Variants in STPG1 observed in about 807,000 individuals in gnomAD.
The protein encoded by STPG1 is sperm tail PG-rich repeat containing 1, also known as O(6)-methylguanine-induced apoptosis 2.
STPG1 carries 33 observed loss-of-function variants against 40.1 expected under a neutral mutation model. That is an observed-to-expected ratio of 0.82 (90% CI 0.62 to 1.10). The LOEUF (loss-of-function observed/expected upper bound fraction) is 1.10. STPG1 is among the 50% of genes least tolerant of loss of function. STPG1 has a pLI of 0.00. For missense variants in STPG1, 396 were observed against 415.1 expected (o/e 0.95, Z 0.40); for synonymous variants, 150 against 155.0 (o/e 0.97, Z 0.24).
intron 1 of STPG1, among the ~76,000 whole-genome samples, chr1:24,409,055 G>A (rs77899992): frequency 0.018 from 2,695 of 152,184 alleles, 87 homozygotes; most frequent in African/African-American, 0.062. Flanking sequence ...GCTTAACAAG[G>A]TCTTTTAGTA....
At chr1:24,362,218 G>A (rs1211986717) in intron 7 of STPG1, among the ~76,000 whole-genome samples, 2 of 152,214 alleles carry the variant, frequency 1.3e-5, no homozygotes, top group African/African-American at 4.8e-5. Flanking sequence ...AACACAGAGA[G>A]CTTGAGGGGA....
At chr1:24,388,599 A>G (rs538038185) in intron 3 of STPG1, among the ~76,000 whole-genome samples, 5 of 152,320 alleles carry the variant, frequency 3.3e-5, no homozygotes, top group African/African-American at 1.2e-4. Flanking sequence ...CTCTGTGTCA[A>G]AGATGTGCTA....
At chr1:24,369,228 G>C (rs1641612272) in intron 7 of STPG1, 2 of 396,064 alleles carry the variant, frequency 5.0e-6, no homozygotes, top group Non-Finnish European at 1.0e-5. Flanking sequence ...GCTTCTGAAT[G>C]TCCTGCCACT....
rs565903578 is a variant in STPG1 at position 24,374,691 on chromosome 1, C to T, written c.463-881G>A. Among the ~76,000 whole-genome samples, 210 of 152,146 alleles carry T rather than the reference C, an allele frequency of 1.4e-3. 1 individual carries two copies. Among genetic ancestry groups the T allele is most frequent in the Non-Finnish European group, 2.3e-3 (158 of 68,010 alleles). On this transcript the variant is annotated intron_variant, in intron 5 of 8. Coordinates refer to ENST00000337248, the MANE Select transcript of STPG1 (RefSeq NM_001199013.2). ...CCAGGCTGGAGTGCAGTGATGCCAT[C>T]TCAGCTCACTGCAACCTCTGCCTCC... is the stretch of plus-strand genomic sequence containing the variant.
Position 24,360,994 on chromosome 1 carries a change from G to C in STPG1, c.785C>G (p.Pro262Arg). ...ACCAGGACCTGGGAAAGGTGGCTTC[G>C]GAGGCAGAGGCGAAGGCTGAGCAGA... ...NFSAQPSPLPPKPPFPGPGQY... is the reference protein window; with the variant it reads ...NFSAQPSPLPRKPPFPGPGQY... The change falls in exon 8 of 9, where the codon CCG becomes CGG. Residue 262 changes from proline (P) to arginine (R), a missense_variant. Coordinates refer to ENST00000337248, the MANE Select transcript of STPG1 (RefSeq NM_001199013.2). 1 of 1,613,520 alleles carries C rather than the reference G, an allele frequency of 6.2e-7. No individual in the cohort carries two copies.
chr1:24,364,399 G>A (rs1288867809), intron 7 of STPG1: 2 of 1,512,920 alleles, frequency 1.3e-6, no homozygotes, highest in Admixed American at 2.1e-5. Flanking sequence ...GAGGTGGAAG[G>A]ACGACGGCAG....
chr1:24,396,438 G>A (rs1467698096), intron 2 of STPG1, among the ~76,000 whole-genome samples: 1 of 152,044 alleles, frequency 6.6e-6, no homozygotes, highest in Non-Finnish European at 1.5e-5. Context: ...GCCTCCCAAA[G>A]TTCTGGGATT....
At chr1:24,371,756 A>G (rs1641756153) in intron 6 of STPG1, among the ~76,000 whole-genome samples, 3 of 152,246 alleles carry the variant, frequency 2.0e-5, no homozygotes, top group African/African-American at 7.2e-5. Flanking sequence ...ACAGAAAACA[A>G]TGAAAAGCAA....
intron 3 of STPG1, among the ~76,000 whole-genome samples, chr1:24,388,507 T>C (rs1642611470): frequency 1.3e-5 from 2 of 152,238 alleles, no homozygotes; most frequent in South Asian, 4.1e-4. Context: ...TCATGGGGAA[T>C]GTGAGCTGGG....
At chr1:24,405,641 T>C (rs1643386519) in intron 1 of STPG1, among the ~76,000 whole-genome samples, 1 of 152,340 alleles carries the variant, frequency 6.6e-6, no homozygotes, top group Admixed American at 6.5e-5. Flanking sequence ...TATATTATTG[T>C]GAATTTGTTT....
intron 7 of STPG1, among the ~76,000 whole-genome samples, chr1:24,365,447 AGAAGCGAAAC>A (rs1481005178): frequency 1.3e-5 from 2 of 152,244 alleles, no homozygotes; most frequent in Non-Finnish European, 2.9e-5. Context: ...TGAAGACCTC[AGAAGCGAAAC>A]CTTGGCTGAT....
At chr1:24,362,835 C>G (rs1641211285) in intron 7 of STPG1, among the ~76,000 whole-genome samples, 1 of 152,176 alleles carries the variant, frequency 6.6e-6, no homozygotes, top group South Asian at 2.1e-4. Flanking sequence ...ATATTTAGAA[C>G]AAAGGTACCC....
chr1:24,397,898 A>C (rs1409009244), intron 2 of STPG1, among the ~76,000 whole-genome samples: 2 of 152,174 alleles, frequency 1.3e-5, no homozygotes, highest in Admixed American at 6.5e-5. Flanking sequence ...TAAAACTGCT[A>C]TGAGCATTTT....
chr1:24,386,699 A>G (rs1223468276), intron 3 of STPG1, among the ~76,000 whole-genome samples: 2 of 152,212 alleles, frequency 1.3e-5, no homozygotes, highest in Non-Finnish European at 2.9e-5. Flanking sequence ...GCCTGTGCAA[A>G]AACAGTTCCT....
chr1:24,368,185 T>G (rs770995239), intron 7 of STPG1, among the ~76,000 whole-genome samples: 4 of 152,216 alleles, frequency 2.6e-5, no homozygotes, highest in Non-Finnish European at 5.9e-5. Context: ...AAGGGACTCC[T>G]CTGGTGGATT....
At chr1:24,411,518 T>C (rs1386221966) in intron 1 of STPG1, 1 of 152,258 alleles carries the variant, frequency 6.6e-6, no homozygotes, top group Non-Finnish European at 1.5e-5. Flanking sequence ...CATAGCTTAC[T>C]GCAACCTCAA....
intron 5 of STPG1, among the ~76,000 whole-genome samples, chr1:24,377,956 A>G (rs1475005547): frequency 6.6e-6 from 1 of 152,210 alleles, no homozygotes; most frequent in Non-Finnish European, 1.5e-5. Context: ...TGAGTATTAA[A>G]TATGATTAAT....
Position 24,359,639 on chromosome 1 carries a change from A to G in STPG1, c.929-1020T>C, listed in dbSNP as rs918665181. 2.0e-5 allele frequency among the ~76,000 whole-genome samples: 3 copies of G among 152,140 alleles called. No homozygotes were observed. Among genetic ancestry groups the G allele is most frequent in the Non-Finnish European group, 4.4e-5 (3 of 68,022 alleles). ...GCCTCTGGGGGCAAACCTGGGGCCCAGGTCATCTTGGCTCCCTCGCACGGG... is the reference window on the plus strand; with the variant it reads ...GCCTCTGGGGGCAAACCTGGGGCCCGGGTCATCTTGGCTCCCTCGCACGGG... On this transcript the variant is annotated intron_variant, in intron 8 of 8. Coordinates refer to ENST00000337248, the MANE Select transcript of STPG1 (RefSeq NM_001199013.2). This position sits in a 1 kb window ranked among gnomAD's most constrained non-coding sequence, Gnocchi z 5.3.
chr1:24,357,911 G>A lies in STPG1; in HGVS notation c.*632C>T. 1 of 324,752 alleles carries A rather than the reference G, an allele frequency of 3.1e-6. No homozygotes were observed. The highest frequency in any genetic ancestry group is 2.6e-5 in the South Asian group (1 of 38,124). 20.1% of individuals were successfully genotyped at this position (324,752 alleles called of 1,614,324 possible). Reference sequence around the variant, plus strand: ...GGCCCGGCCACTGCCATTCCAAGATGATCTCCCACTCCAAAGAGAAAAAGG... The same window carrying A: ...GGCCCGGCCACTGCCATTCCAAGATAATCTCCCACTCCAAAGAGAAAAAGG... On this transcript the variant is annotated 3_prime_UTR_variant, in exon 9 of 9. Transcript: ENST00000337248.
Sources: gnomAD v4.1 joint callset for allele counts (sites outside exome capture counted in the v4.1 genomes callset) on GRCh38, gnomAD v4.1.1 for gene constraint, Gnocchi (gnomAD v3.1) non-coding constraint, MANE v1.5 for transcripts, NCBI Gene and HGNC (gene_info 2026-07-23, HGNC 2026-07-21) for gene names.